TVP23A: variants seen among roughly 807,000 people sequenced by gnomAD.
TVP23A encodes Golgi apparatus membrane protein TVP23 homolog A.
TVP23A carries 21 observed loss-of-function variants against 31.7 expected under a neutral mutation model. The observed-to-expected ratio is 0.66, with a 90% CI of 0.47 to 0.95. The LOEUF is 0.95. TVP23A is among the 40% of genes least tolerant of loss of function. The probability of loss-of-function intolerance (pLI) is 0.00; values close to 1 mark genes in which losing one functional copy is unlikely to be tolerated. For missense variants in TVP23A, 279 were observed against 255.6 expected, an observed-to-expected ratio of 1.09 and a Z score of -0.62; for synonymous variants, 104 against 96.0, an observed-to-expected ratio of 1.08 and a Z score of -0.49.
chr16:10,801,850 T>G (rs995420685), intron 2 of TVP23A, among the ~76,000 whole-genome samples: 3 of 152,114 alleles, frequency 2.0e-5, no homozygotes, highest in African/African-American at 7.2e-5. Flanking sequence ...GCACTCTGCT[T>G]ACATAAGAGA....
Position 10,770,429 on chromosome 16 carries a change from A to C in TVP23A, c.583-98T>G. Reference sequence around the variant, plus strand: ...AGAGAAAACCCACAAAGTACAGAAAACCTGCGGAATTGGTTGCTTGATGTC... The same window carrying C: ...AGAGAAAACCCACAAAGTACAGAAACCCTGCGGAATTGGTTGCTTGATGTC... On this transcript the variant is annotated intron_variant, in intron 6 of 7. Coordinates refer to ENST00000299866, the MANE Select transcript of TVP23A (RefSeq NM_001079512.4). The C allele has an allele frequency of 3.7e-6, 5 of 1,358,560 alleles. 1 individual carries two copies. The South Asian group carries it at 6.9e-5, about 19-fold the overall frequency. The allele number at this position is 1,358,560 out of a possible 1,614,324, so 84.2% of individuals were successfully genotyped here.
chr16:10,804,517 G>T (rs553500277), intron 2 of TVP23A, among the ~76,000 whole-genome samples: 1 of 152,322 alleles, frequency 6.6e-6, no homozygotes, highest in East Asian at 1.9e-4. Context: ...GGAGGCCAAG[G>T]CAAGAGGATT....
At chr16:10,766,516 G>C (rs888474616), downstream of TVP23A, among the ~76,000 whole-genome samples, 2 of 152,152 alleles carry the variant, frequency 1.3e-5, no homozygotes, top group East Asian at 3.8e-4. The surrounding 1 kb of genome is among the most constrained non-coding windows in gnomAD (Gnocchi z 4.8). Context: ...GCCCCAGCAT[G>C]ACTATTCTGG....
chr16:10,781,101 G>A (rs2032394754), intron 2 of TVP23A, among the ~76,000 whole-genome samples: 1 of 152,058 alleles, frequency 6.6e-6, no homozygotes, highest in African/African-American at 2.4e-5. Context: ...GGCAGAGGTG[G>A]GCAGATTACT....
chr16:10,776,204 A>G (rs1005852529), intron 2 of TVP23A, among the ~76,000 whole-genome samples: 9 of 151,352 alleles, frequency 5.9e-5, no homozygotes, highest in Admixed American at 2.0e-4. Flanking sequence ...GTGAAACCCC[A>G]TTTCTACTCA....
At position 10,776,809 on chromosome 16, in the gene TVP23A, C is replaced by G. The variant is rs148474156; in HGVS notation, c.90-1713G>C. Among the ~76,000 whole-genome samples, 310 of 152,272 alleles carry G rather than the reference C, an allele frequency of 2.0e-3. 1 individual carries two copies. Among genetic ancestry groups the G allele is most frequent in the African/African-American group, 7.1e-3 (296 of 41,550 alleles). On this transcript the variant is annotated intron_variant, in intron 2 of 7. Transcript: ENST00000299866. The stretch of plus-strand genomic sequence containing the variant: ...TAAAGAAGGGGTGGATTATTCATGC[C>G]TCCCCTTTTTCGACCATATAGGGCA...
intron 2 of TVP23A, among the ~76,000 whole-genome samples, chr16:10,805,050 T>C (rs2033880031): frequency 6.6e-6 from 1 of 152,046 alleles, no homozygotes; most frequent in Non-Finnish European, 1.5e-5. Flanking sequence ...TTTTCTTTCT[T>C]TTTTTCAGAC....
intron 2 of TVP23A, among the ~76,000 whole-genome samples, chr16:10,791,823 G>A (rs1764394078): frequency 6.6e-6 from 1 of 152,128 alleles, no homozygotes; most frequent in South Asian, 2.1e-4. Flanking sequence ...CACTGTGTTA[G>A]CCAAGATGGT....
At chr16:10,817,457 A>G (rs977139635) in intron 2 of TVP23A, among the ~76,000 whole-genome samples, 3 of 152,224 alleles carry the variant, frequency 2.0e-5, no homozygotes, top group Admixed American at 6.5e-5. Context: ...GCCATCGGCA[A>G]CCACGTTCAC....
At chr16:10,787,302 T>C (rs750186928) in intron 2 of TVP23A, among the ~76,000 whole-genome samples, 1 of 152,122 alleles carries the variant, frequency 6.6e-6, no homozygotes, top group Non-Finnish European at 1.5e-5. Context: ...CCCAAAATTA[T>C]TTTCTTTCCC....
intron 2 of TVP23A, among the ~76,000 whole-genome samples, chr16:10,809,943 GCAACATTACTCATAACAACA>G (rs1221201737): frequency 6.6e-6 from 1 of 152,166 alleles, no homozygotes; most frequent in African/African-American, 2.4e-5. Context: ...AACATTCATA[GCAACATTACTCATAACAACA>G]CAAAAGCAGA....
intron 2 of TVP23A, among the ~76,000 whole-genome samples, chr16:10,776,577 G>T (rs1053172711): frequency 6.6e-6 from 1 of 152,130 alleles, no homozygotes; most frequent in Non-Finnish European, 1.5e-5. Context: ...CACGAGCCCA[G>T]TTGTTATACC....
intron 2 of TVP23A, among the ~76,000 whole-genome samples, chr16:10,810,169 G>C (rs2034129292): frequency 6.6e-6 from 1 of 152,076 alleles, no homozygotes. Context: ...ACCTAGACTG[G>C]GCTAAGGGAT....
At chr16:10,792,472 C>A (rs1469342362) in intron 2 of TVP23A, among the ~76,000 whole-genome samples, 1 of 152,298 alleles carries the variant, frequency 6.6e-6, no homozygotes, top group South Asian at 2.1e-4. Flanking sequence ...CACAACCCCA[C>A]CCCCAGGCCT....
intron 2 of TVP23A, among the ~76,000 whole-genome samples, chr16:10,798,985 T>C (rs998980261): frequency 2.6e-5 from 4 of 152,182 alleles, no homozygotes; most frequent in Admixed American, 1.3e-4. Flanking sequence ...TCTTGATCAC[T>C]CTCTCCCTCA....
rs765804368 is a variant in TVP23A at position 10,771,676 on chromosome 16, G to C, written c.576C>G (p.Phe192Leu). 1.9e-6 allele frequency: 3 copies of C among 1,613,860 alleles called. No homozygotes were observed. In the South Asian group the frequency reaches 3.3e-5, roughly 18 times the overall value. Residue 192 changes from phenylalanine (F) to leucine (L), a missense_variant, in exon 6 of 8, where the codon TTC becomes TTG. Coordinates refer to ENST00000299866, the MANE Select transcript of TVP23A (RefSeq NM_001079512.4). The stretch of plus-strand genomic sequence containing the variant: ...TCAGACCTCAGTTACTCACCGTCTG[G>C]AACACTGTCTGGGACAGGAAACTGG... Reference protein sequence around the residue: ...VTASFLSQTVFQTACPGDFQK... With the variant: ...VTASFLSQTVLQTACPGDFQK...
At position 10,768,715 on chromosome 16, in the gene TVP23A, T is replaced by TGTC; in HGVS notation, c.*384_*386dup. 1 of 256,898 alleles carries TGTC rather than the reference T, an allele frequency of 3.9e-6. No individual in the cohort carries two copies. Among genetic ancestry groups the TGTC allele is most frequent in the Non-Finnish European group, 7.3e-6 (1 of 137,074 alleles). 15.9% of individuals were successfully genotyped at this position (256,898 alleles called of 1,614,324 possible). On this transcript the variant is annotated 3_prime_UTR_variant, in exon 8 of 8. Coordinates refer to ENST00000299866, the MANE Select transcript of TVP23A (RefSeq NM_001079512.4). The surrounding 1 kb of genome is among the most constrained non-coding windows in gnomAD (Gnocchi z 4.3). ...AGAGGCCCCAGAGTTAGGGCAGAGGTGTCAGTGTTTGTTAAAGCTGTGGTC... is the reference window on the plus strand; with the variant it reads ...AGAGGCCCCAGAGTTAGGGCAGAGGTGTCGTCAGTGTTTGTTAAAGCTGTGGTC...
At chr16:10,773,907 C>T in intron 4 of TVP23A, 132 bp downstream of exon 4, 2 of 723,462 alleles carry the variant, frequency 2.8e-6, no homozygotes, top group South Asian at 1.8e-5. Flanking sequence ...CATGTTTCAC[C>T]AGAGCACCTT....
downstream of TVP23A, among the ~76,000 whole-genome samples, chr16:10,759,987 C>T (rs1900832007): frequency 6.6e-6 from 1 of 152,196 alleles, no homozygotes; most frequent in African/African-American, 2.4e-5. The surrounding 1 kb of genome is among the most constrained non-coding windows in gnomAD (Gnocchi z 4.7). Context: ...CAAGCCACAG[C>T]AGGACTTGGG....
Sources: gnomAD v4.1 joint callset for allele counts (sites outside exome capture counted in the v4.1 genomes callset) on GRCh38, gnomAD v4.1.1 for gene constraint, Gnocchi (gnomAD v3.1) non-coding constraint, MANE v1.5 for transcripts, NCBI Gene and HGNC (gene_info 2026-07-23, HGNC 2026-07-21) for gene names.